Variants in LPAR1 observed in about 807,000 individuals in gnomAD.
LPAR1 encodes LPA receptor 1.
In LPAR1, 5 loss-of-function variants were observed where a neutral mutation model predicts 23.8. That is an observed-to-expected ratio of 0.21 (90% confidence interval 0.11 to 0.44). LPAR1 has a LOEUF of 0.44. LPAR1 is among the 20% of genes least tolerant of loss of function. LPAR1 has a pLI of 0.99. For synonymous variants in LPAR1, 160 were observed against 164.7 expected (o/e 0.97, Z 0.22); for missense variants, 311 against 482.8 (o/e 0.64, Z 3.33).
At chr9:110,908,747 G>T (rs373910012) in intron 5 of LPAR1, among the ~76,000 whole-genome samples, 4 of 152,148 alleles carry the variant, frequency 2.6e-5, no homozygotes, top group Non-Finnish European at 4.4e-5. Flanking sequence ...AAGGGAAAGG[G>T]CAGGTGTGAC....
intron 2 of LPAR1, among the ~76,000 whole-genome samples, chr9:111,027,809 A>T: frequency 6.6e-6 from 1 of 151,424 alleles, no homozygotes; most frequent in East Asian, 1.9e-4. Context: ...TAAGCTCAAA[A>T]ATGGAGATCA....
At chr9:110,998,952 T>C (rs931834911) in intron 2 of LPAR1, among the ~76,000 whole-genome samples, 22 of 152,214 alleles carry the variant, frequency 1.4e-4, no homozygotes, top group African/African-American at 5.3e-4. Flanking sequence ...AAATGGAACT[T>C]GATCTGTCAA....
chr9:110,976,336 C>CAAAAAAAAAA (rs11356512), intron 2 of LPAR1, among the ~76,000 whole-genome samples: 1 of 126,752 alleles, frequency 7.9e-6, no homozygotes, highest in East Asian at 2.8e-4. Flanking sequence ...ACTAAAAATA[C>CAAAAAAAAAA]AAAAAAAAAA....
rs923217263 is a variant in LPAR1 at position 111,005,655 on chromosome 9, T to C, written c.-182+30467A>G. On this transcript the variant is annotated intron_variant, in intron 2 of 5. Transcript: ENST00000683809. ...GACCTCCCCTGATCCAGCCTCTGCC[T>C]CATCCACTAGCAAGTCTTAACATTA... Among the ~76,000 whole-genome samples the C allele has an allele frequency of 2.0e-5, 3 of 148,900 alleles. No homozygotes were observed. In the East Asian group the frequency reaches 6.0e-4, roughly 30 times the overall value.
chr9:111,026,741 T>C (rs1351521393), intron 2 of LPAR1, among the ~76,000 whole-genome samples: 1 of 152,110 alleles, frequency 6.6e-6, no homozygotes, highest in Admixed American at 6.6e-5. Flanking sequence ...CATGAAAGGG[T>C]GTTGAATTTT....
At chr9:110,952,848 G>C (rs1478727177) in intron 4 of LPAR1, among the ~76,000 whole-genome samples, 1 of 152,072 alleles carries the variant, frequency 6.6e-6, no homozygotes, top group African/African-American at 2.4e-5. Context: ...ACCTGGCCCA[G>C]CTCCACTGTC....
rs1457254372 is a variant in LPAR1, at chr9:111,038,313, C to T, written c.-408G>A. 6.7e-6 allele frequency: 1 copy of T among 149,784 alleles called. No homozygotes were observed. The highest frequency in any genetic ancestry group is 1.5e-5 in the Non-Finnish European group (1 of 67,456). 9.3% of individuals were successfully genotyped at this position (149,784 alleles called of 1,614,324 possible). A position where few individuals can be genotyped will look rare whatever the true frequency, so the allele number is the denominator to read the frequency against. ...GGCAGTCGCCCAGAGCGGGGCCGCC[C>T]CCTGCGCCCACCCCGCCGGGGTCCC... is the stretch of plus-strand genomic sequence containing the variant. On this transcript the variant is annotated 5_prime_UTR_variant, in exon 1 of 6. Coordinates refer to ENST00000683809, the MANE Select transcript of LPAR1 (RefSeq NM_001351411.2). This position sits in a 1 kb window ranked among gnomAD's most constrained non-coding sequence, Gnocchi z 4.4.
chr9:110,957,466 T>C (rs2095802450), intron 4 of LPAR1, among the ~76,000 whole-genome samples: 1 of 152,062 alleles, frequency 6.6e-6, no homozygotes, highest in Admixed American at 6.6e-5. Flanking sequence ...ATACATCATA[T>C]TAACAGAACG....
At position 110,875,272 on chromosome 9, in the gene LPAR1, C is replaced by T. The variant is rs2078811827; in HGVS notation, c.*149G>A. On this transcript the variant is annotated 3_prime_UTR_variant, in exon 6 of 6. Transcript: ENST00000683809. ...CAATATATATCAAGTCTTGTGGGGT[C>T]CAGGAACAAATACTGTCATTGGTTA... The T allele has an allele frequency of 3.2e-6, 2 of 619,972 alleles. No homozygotes were observed. The highest frequency in any genetic ancestry group is 2.5e-5 in the South Asian group (1 of 40,732). The allele number at this position is 619,972 out of a possible 1,614,324, so 38.4% of individuals were successfully genotyped here. A position where few individuals can be genotyped will look rare whatever the true frequency, so the allele number is the denominator to read the frequency against.
At chr9:110,952,618 A>C (rs553465032) in intron 4 of LPAR1, among the ~76,000 whole-genome samples, 8 of 152,254 alleles carry the variant, frequency 5.3e-5, no homozygotes, top group African/African-American at 1.9e-4. Context: ...GCCCTGAGGA[A>C]AGGCTACTCT....
At chr9:110,919,327 C>T (rs2135008574) in intron 5 of LPAR1, among the ~76,000 whole-genome samples, 1 of 152,100 alleles carries the variant, frequency 6.6e-6, no homozygotes, top group African/African-American at 2.4e-5. Context: ...TGAATTCTAC[C>T]AGCAACCTAA....
chr9:110,997,850 G>A (rs533543193), intron 2 of LPAR1, among the ~76,000 whole-genome samples: 274 of 152,292 alleles, frequency 1.8e-3, no homozygotes, highest in African/African-American at 6.5e-3. Flanking sequence ...CTTCTCCAAA[G>A]CTGGTGCATA....
rs1554710948 is a variant in LPAR1 at position 110,957,350 on chromosome 9, A to AATAAT, written c.45+14722_45+14723insATTAT. Among the ~76,000 whole-genome samples the AATAAT allele has an allele frequency of 7.6e-3, 1,119 of 147,832 alleles. 10 individuals are homozygous for AATAAT. The highest frequency in any genetic ancestry group is 0.026 in the African/African-American group (1,051 of 40,344). On this transcript the variant is annotated intron_variant, in intron 4 of 5. Transcript: ENST00000683809. ...GTGATACTCTGTCTCAAAAAAAAAA[A>AATAAT]AATAATAATAATAATAATAATGCAC...
At chr9:110,984,495 G>A (rs1446733574) in intron 2 of LPAR1, among the ~76,000 whole-genome samples, 1 of 152,022 alleles carries the variant, frequency 6.6e-6, no homozygotes, top group African/African-American at 2.4e-5. Flanking sequence ...CACTTAGGCT[G>A]CTTCCAAATC....
chr9:110,967,120 G>A (rs957398311), intron 4 of LPAR1, among the ~76,000 whole-genome samples: 1 of 152,152 alleles, frequency 6.6e-6, no homozygotes, highest in East Asian at 1.9e-4. Flanking sequence ...CTTTTTCAGT[G>A]TCTGGACCAG....
At chr9:110,971,724 C>T (rs2096426914) in intron 4 of LPAR1, among the ~76,000 whole-genome samples, 1 of 139,718 alleles carries the variant, frequency 7.2e-6, no homozygotes, top group East Asian at 2.0e-4. Flanking sequence ...TTAAACCCCA[C>T]CCCACCCCCC....
chr9:111,012,817 C>G (rs1334635576), intron 2 of LPAR1, among the ~76,000 whole-genome samples: 1 of 151,774 alleles, frequency 6.6e-6, no homozygotes, highest in Non-Finnish European at 1.5e-5. Context: ...GAGGAAAAGG[C>G]AAGGAAAGAG....
intron 5 of LPAR1, among the ~76,000 whole-genome samples, chr9:110,892,846 CAGGCAG>C (rs2084939957): frequency 2.7e-5 from 3 of 112,906 alleles, no homozygotes; most frequent in Non-Finnish European, 4.2e-5. Flanking sequence ...GGCAGGCAGG[CAGGCAG>C]GCAGGCAGGC....
intron 2 of LPAR1, among the ~76,000 whole-genome samples, chr9:111,034,610 T>C (rs2097858016): frequency 6.6e-6 from 1 of 152,170 alleles, no homozygotes; most frequent in Non-Finnish European, 1.5e-5. Context: ...ACAACCTTTA[T>C]ATAATTTGAG....
Sources: allele counts gnomAD v4.1 joint callset (sites outside exome capture counted in the v4.1 genomes callset), GRCh38; gene constraint gnomAD v4.1.1; non-coding constraint Gnocchi (gnomAD v3.1); transcripts MANE v1.5; gene names NCBI Gene and HGNC (gene_info 2026-07-23, HGNC 2026-07-21).